ERICH2: variants seen among roughly 807,000 people sequenced by gnomAD.
ERICH2 encodes glutamate-rich protein 2.
Under a neutral mutation model 17.4 loss-of-function variants are expected in ERICH2, and 17 were observed. The ratio of observed to expected loss-of-function variants is 0.98; its 90% CI spans 0.67 to 1.47. The LOEUF (loss-of-function observed/expected upper bound fraction) is 1.47, where lower values mean the gene tolerates loss of function less well. Among genes scored for constraint, ERICH2 ranks in the 40% most tolerant of loss-of-function variants. The pLI is 0.00. For synonymous variants in ERICH2, 51 were observed against 61.1 expected, an observed-to-expected ratio of 0.83 and a Z score of 0.77; for missense variants, 186 against 183.2, an observed-to-expected ratio of 1.01 and a Z score of -0.09.
chr2:170,780,177 A>G (rs1700995591), upstream of ERICH2, among the ~76,000 whole-genome samples: 1 of 152,194 alleles, frequency 6.6e-6, no homozygotes, highest in African/African-American at 2.4e-5. Flanking sequence ...TAAAATTTTA[A>G]ATCTTTCCTC....
upstream of ERICH2, among the ~76,000 whole-genome samples, chr2:170,780,092 C>T (rs1310723513): frequency 1.3e-5 from 2 of 152,110 alleles, no homozygotes; most frequent in East Asian, 1.9e-4. Context: ...GAATGTCTAA[C>T]CTGATTAACT....
the ERICH2 span, chr2:170,777,388 C>T: frequency 8.7e-7 from 1 of 1,151,916 alleles, no homozygotes; most frequent in Non-Finnish European, 1.1e-6. Flanking sequence ...CAGCAAAGAA[C>T]AAACAGAATG....
chr2:170,784,109 T>C lies in ERICH2; in HGVS notation c.28+243T>C, dbSNP rs150234177. On this transcript the variant is annotated intron_variant, in intron 1 of 4. Transcript: ENST00000409885. ...TATTTAGAGTAGCTCATGGCTACCTTCCCATCAAAGAAGGCATCTCAGAGA... is the reference window on the plus strand; with the variant it reads ...TATTTAGAGTAGCTCATGGCTACCTCCCCATCAAAGAAGGCATCTCAGAGA... Among the ~76,000 whole-genome samples the C allele has an allele frequency of 1.2e-3, 183 of 152,216 alleles. 2 individuals carry two copies. The East Asian group carries it at 0.027, about 23-fold the overall frequency.
In ERICH2 at chr2:170,798,664, G is replaced by A. The variant is rs537153176; in HGVS notation, c.347-106G>A. The A allele has an allele frequency of 5.6e-5, 77 of 1,381,810 alleles. 3 individuals carry two copies. The South Asian group carries it at 1.0e-3, about 18-fold the overall frequency. 85.6% of individuals were successfully genotyped at this position (1,381,810 alleles called of 1,614,324 possible). ...TAGCCAAGTCCAACTCAGTTCTTAT[G>A]TTACAAATATATGTATTTCTTGGTA... On this transcript the variant is annotated intron_variant, in intron 4 of 4. Coordinates refer to ENST00000409885, the Ensembl canonical transcript of ERICH2.
chr2:170,773,451 C>T, the ERICH2 span, among the ~76,000 whole-genome samples: 2 of 152,190 alleles, frequency 1.3e-5, no homozygotes, highest in African/African-American at 4.8e-5. Context: ...ATCTCCAGTC[C>T]TTGAGCCCAA....
intron 3 of ERICH2, among the ~76,000 whole-genome samples, 178 bp from the exon 9 acceptor site, chr2:170,797,863 T>C (rs943217991): frequency 2.7e-5 from 4 of 150,126 alleles, no homozygotes; most frequent in Non-Finnish European, 5.9e-5. Flanking sequence ...AAGTGCAAAA[T>C]AGAAGTGCAG....
At chr2:170,775,270 TAAAAAAA>T in the ERICH2 span, among the ~76,000 whole-genome samples, 6 of 137,280 alleles carry the variant, frequency 4.4e-5, no homozygotes, top group African/African-American at 1.6e-4. Context: ...TCTTCAAAAA[TAAAAAAA>T]AAAAAATAGC....
the ERICH2 span, among the ~76,000 whole-genome samples, chr2:170,772,657 C>A: frequency 6.6e-6 from 1 of 152,188 alleles, no homozygotes; most frequent in Non-Finnish European, 1.5e-5. Flanking sequence ...ATCCTTGACA[C>A]CATTTGTATA....
intron 2 of ERICH2, among the ~76,000 whole-genome samples, chr2:170,786,724 A>C (rs1284468288): frequency 6.6e-6 from 1 of 151,780 alleles, no homozygotes; most frequent in Non-Finnish European, 1.5e-5. Flanking sequence ...ATCTATTGCT[A>C]TCTCTTCAGG....
At chr2:170,781,960 CAG>C (rs1191960209), upstream of ERICH2, among the ~76,000 whole-genome samples, 1 of 152,060 alleles carries the variant, frequency 6.6e-6, no homozygotes, top group Non-Finnish European at 1.5e-5. Flanking sequence ...TGTGATGTAC[CAG>C]AGACATTTAT....
chr2:170,785,289 A>C (rs1421329852), intron 2 of ERICH2, among the ~76,000 whole-genome samples: 1 of 152,176 alleles, frequency 6.6e-6, no homozygotes, highest in African/African-American at 2.4e-5. Context: ...ATTAATAAAA[A>C]GATCCTTGTC....
rs1380782187 is a variant in ERICH2, at chr2:170,792,737, T to A, written c.217-126T>A. 1.1e-4 allele frequency: 67 copies of A among 604,784 alleles called. 1 individual carries two copies. The South Asian group carries it at 1.5e-3, about 14-fold the overall frequency. 37.5% of individuals were successfully genotyped at this position (604,784 alleles called of 1,614,324 possible). On this transcript the variant is annotated intron_variant, in intron 2 of 4. Coordinates refer to ENST00000409885, the Ensembl canonical transcript of ERICH2. ...AATTGATTCACTATTCATTATAGAC[T>A]GACTCCTGGAAAAACATGTGGAAGT...
intron 2 of ERICH2, among the ~76,000 whole-genome samples, chr2:170,785,510 AAGAG>A (rs1675619794): frequency 2.0e-5 from 3 of 152,136 alleles, no homozygotes. Flanking sequence ...AGAAATAAAT[AAGAG>A]AGACATGTCT....
At chr2:170,773,160 T>C in the ERICH2 span, among the ~76,000 whole-genome samples, 1 of 152,252 alleles carries the variant, frequency 6.6e-6, no homozygotes, top group Non-Finnish European at 1.5e-5. Context: ...TTGTTAATCC[T>C]GTAAAGGCAG....
upstream of ERICH2, among the ~76,000 whole-genome samples, chr2:170,779,155 G>C (rs1013890949): frequency 2.6e-5 from 4 of 152,180 alleles, no homozygotes; most frequent in African/African-American, 7.2e-5. Context: ...AGAGAAAAAT[G>C]ATCAAGTAGG....
At chr2:170,770,731 T>C in the ERICH2 span, 8 of 155,132 alleles carry the variant, frequency 5.2e-5, no homozygotes, top group Admixed American at 4.6e-4. Context: ...CTCCTGAAGG[T>C]AACCGGTGCG....
rs180743615 is a variant in ERICH2 at position 170,798,844 on chromosome 2, G to A, written c.421G>A (p.Asp141Asn). 138 of 1,550,656 alleles carry A rather than the reference G, an allele frequency of 8.9e-5. No individual in the cohort carries two copies. The African/African-American group carries it at 1.2e-3, about 13-fold the overall frequency. ...CAGTGGTGAGAGTAAAGGAGAAAGC[G>A]ATGAGGAGCTGAGTGACGAGAGCTC... The change falls in exon 5 of 5, where the codon GAT becomes AAT. Residue 141 changes from aspartate to asparagine, a missense_variant. Transcript: ENST00000409885.
chr2:170,792,893 CA>C lies in ERICH2; in HGVS notation c.248del (p.Gln83ArgfsTer9). ...GAGAGCAGAAATGGCCCGAGAGTAC[CA>C]GCTGGCAAAAAAATTATGTCAGATG... On this transcript the variant is annotated frameshift_variant, in exon 3 of 5. Transcript: ENST00000409885. LOFTEE classifies it high-confidence loss of function. 2.0e-6 allele frequency: 3 copies of C among 1,513,970 alleles called. No homozygotes were observed. The highest frequency in any genetic ancestry group is 2.7e-6 in the Non-Finnish European group (3 of 1,124,900). The allele number at this position is 1,513,970 out of a possible 1,614,324, so 93.8% of individuals were successfully genotyped here. A position where few individuals can be genotyped will look rare whatever the true frequency, so the allele number is the denominator to read the frequency against.
chr2:170,789,988 G>A (rs1701248343), intron 2 of ERICH2, among the ~76,000 whole-genome samples: 1 of 151,906 alleles, frequency 6.6e-6, no homozygotes, highest in Non-Finnish European at 1.5e-5. Flanking sequence ...TTGGGAAATT[G>A]GATTTCTTTT....
Sources: allele counts gnomAD v4.1 joint callset (sites outside exome capture counted in the v4.1 genomes callset), GRCh38; gene constraint gnomAD v4.1.1; transcripts MANE v1.5; gene names NCBI Gene and HGNC (gene_info 2026-07-23, HGNC 2026-07-21).